NRG1: variants seen among roughly 807,000 people sequenced by gnomAD.
NRG1 encodes the protein neuregulin 1.
NRG1 carries 18 observed loss-of-function variants against 63.8 expected under a neutral mutation model. The ratio of observed to expected loss-of-function variants is 0.28; its 90% CI spans 0.19 to 0.42. The LOEUF (loss-of-function observed/expected upper bound fraction) is 0.42. Ranked by LOEUF, NRG1 falls within the 10% of genes least tolerant of loss-of-function variation. The probability of loss-of-function intolerance (pLI) is 1.00; values close to 1 mark genes in which losing one functional copy is unlikely to be tolerated. For synonymous variants in NRG1, 302 were observed against 301.3 expected, an observed-to-expected ratio of 1.00 and a Z score of -0.02; for missense variants, 762 against 814.7, an observed-to-expected ratio of 0.94 and a Z score of 0.79.
chr8:32,395,435 A>G (rs940748190), intron 1 of NRG1, among the ~76,000 whole-genome samples: 14 of 152,098 alleles, frequency 9.2e-5, no homozygotes, highest in African/African-American at 3.1e-4. Flanking sequence ...TGACATTCTA[A>G]TCTGTGTGTA....
intron 1 of NRG1, among the ~76,000 whole-genome samples, chr8:32,493,960 A>T (rs1563541152): frequency 1.3e-5 from 2 of 152,198 alleles, no homozygotes; most frequent in Non-Finnish European, 2.9e-5. Flanking sequence ...AAATGGTAGC[A>T]TAATGAAAAA....
intron 1 of NRG1, among the ~76,000 whole-genome samples, chr8:32,233,564 T>TATA (rs1554660618): frequency 0.02 from 545 of 27,052 alleles, 2 homozygotes; most frequent in Non-Finnish European, 0.025. Flanking sequence ...TATATATATA[T>TATA]TTTTTTTTTT....
chr8:32,159,501 TCCG>T (rs1838578211), intron 1 of NRG1, among the ~76,000 whole-genome samples: 1 of 137,848 alleles, frequency 7.3e-6, no homozygotes, highest in Admixed American at 7.6e-5. Flanking sequence ...GCCACTGCAG[TCCG>T]CAGTCCGGCC....
intron 1 of NRG1, among the ~76,000 whole-genome samples, chr8:32,174,494 T>G (rs1048115764): frequency 6.6e-6 from 1 of 151,988 alleles, no homozygotes; most frequent in African/African-American, 2.4e-5. Flanking sequence ...AGAGCAGAAC[T>G]GAAGGAAATA....
At position 31,639,997 on chromosome 8, in the gene NRG1, C is replaced by T. The variant is rs1208466440; in HGVS notation, c.37+566C>T. On this transcript the variant is annotated intron_variant, in intron 1 of 10. Transcript: ENST00000519301. ...CGCACCTCGCACCATGAGATGGCGA[C>T]GCGCCCCGCGCCGCTCCGGGCGTCC... 6 of 1,124,532 alleles carry T rather than the reference C, an allele frequency of 5.3e-6. No individual in the cohort carries two copies. In the African/African-American group the frequency reaches 8.3e-5, roughly 16 times the overall value. 69.7% of individuals were successfully genotyped at this position (1,124,532 alleles called of 1,614,324 possible). A position where few individuals can be genotyped will look rare whatever the true frequency, so the allele number is the denominator to read the frequency against.
intron 1 of NRG1, among the ~76,000 whole-genome samples, chr8:32,107,781 G>A (rs1030670530): frequency 5.9e-5 from 9 of 152,220 alleles, no homozygotes; most frequent in African/African-American, 1.9e-4. Flanking sequence ...GTCCCAAGAT[G>A]GTCTTAACCC....
chr8:32,763,688 T>C, intron 11 of NRG1, 60 bp from the exon 12 acceptor site: 1 of 1,472,984 alleles, frequency 6.8e-7, no homozygotes, highest in Non-Finnish European at 9.1e-7. Context: ...TCCCCTTACC[T>C]TCCCTGCTAT....
At chr8:32,355,017 G>C (rs1350171114) in intron 1 of NRG1, among the ~76,000 whole-genome samples, 1 of 151,688 alleles carries the variant, frequency 6.6e-6, no homozygotes, top group Non-Finnish European at 1.5e-5. Context: ...AGAAACTATA[G>C]AAAAATACAC....
intron 1 of NRG1, among the ~76,000 whole-genome samples, chr8:32,450,911 G>A (rs1820871736): frequency 6.6e-6 from 1 of 152,142 alleles, no homozygotes; most frequent in African/African-American, 2.4e-5. Flanking sequence ...AAGAGAAGGA[G>A]AGAGGAAGCT....
At chr8:32,196,827 A>T (rs1563897694) in intron 1 of NRG1, among the ~76,000 whole-genome samples, 1 of 150,852 alleles carries the variant, frequency 6.6e-6, no homozygotes, top group East Asian at 2.0e-4. Context: ...GTCTAGCATG[A>T]TATTATTCTA....
rs1488508516 is a variant in NRG1 at position 31,712,971 on chromosome 8, GTCCATCCATCCACCCATCCATCCA to G, written c.37+73553_37+73576del. Among the ~76,000 whole-genome samples the G allele has an allele frequency of 4.5e-3, 664 of 146,160 alleles. 2 individuals carry two copies. Among genetic ancestry groups the G allele is most frequent in the South Asian group, 0.028 (127 of 4,554 alleles). On this transcript the variant is annotated intron_variant, in intron 1 of 10. Transcript: ENST00000519301. ...CAATCAATCAATCAGTCATCTCTCTGTCCATCCATCCACCCATCCATCCATCCATCCATCCATCCATCCATCCAT... is the reference window on the plus strand; with the variant it reads ...CAATCAATCAATCAGTCATCTCTCTGTCCATCCATCCATCCATCCATCCAT...
In NRG1 at chr8:31,751,399, AG is replaced by A. The variant is rs1178412131; in HGVS notation, c.37+111971del. On this transcript the variant is annotated intron_variant, in intron 1 of 10. Coordinates refer to the NRG1 transcript ENST00000519301. The stretch of plus-strand genomic sequence containing the variant: ...GGGGAGGGAACAGTGTTCTTAGTAG[AG>A]GGAACAACATTTGCAAAGAATCTTC... 3.9e-5 allele frequency among the ~76,000 whole-genome samples: 6 copies of A among 152,100 alleles called. No individual in the cohort carries two copies. In the East Asian group the frequency reaches 7.8e-4, roughly 20 times the overall value.
chr8:32,548,932 C>T, intron 1 of NRG1, 106 bp downstream of exon 1: 1 of 1,353,370 alleles, frequency 7.4e-7, no homozygotes, highest in Non-Finnish European at 9.7e-7. Flanking sequence ...CCTCGCCCGT[C>T]CTCTTCGCCC....
At chr8:31,959,388 G>A (rs561264505) in intron 1 of NRG1, among the ~76,000 whole-genome samples, 1 of 152,206 alleles carries the variant, frequency 6.6e-6, no homozygotes, top group South Asian at 2.1e-4. Flanking sequence ...CCAGTGCCAG[G>A]CTCTGTAGAA....
At chr8:32,082,391 C>T (rs547734245) in intron 1 of NRG1, among the ~76,000 whole-genome samples, 7 of 152,058 alleles carry the variant, frequency 4.6e-5, no homozygotes, top group African/African-American at 1.7e-4. Context: ...CAAGTAGGCC[C>T]CAGTGTCTCT....
intron 1 of NRG1, among the ~76,000 whole-genome samples, chr8:32,161,038 G>C (rs1838769340): frequency 6.6e-6 from 1 of 152,166 alleles, no homozygotes; most frequent in African/African-American, 2.4e-5. Context: ...TCACTTTACA[G>C]GTGGAGAATG....
At chr8:32,437,305 TTTTTG>T (rs1321469718) in intron 1 of NRG1, among the ~76,000 whole-genome samples, 1 of 151,882 alleles carries the variant, frequency 6.6e-6, no homozygotes, top group African/African-American at 2.4e-5. Context: ...TTTAGTGTTT[TTTTTG>T]TTTGTTTGTT....
At chr8:31,819,542 T>C (rs1442241145) in intron 1 of NRG1, among the ~76,000 whole-genome samples, 1 of 152,176 alleles carries the variant, frequency 6.6e-6, no homozygotes, top group Non-Finnish European at 1.5e-5. Flanking sequence ...TTTCCCAAAC[T>C]TTTACATATT....
At chr8:32,625,406 G>A (rs62500234) in intron 5 of NRG1, among the ~76,000 whole-genome samples, 6,711 of 152,238 alleles carry the variant, frequency 0.044, 205 homozygotes, top group Non-Finnish European at 0.067. Flanking sequence ...ATCCATCAAC[G>A]ATGGGCTCTT....
Sources: allele counts gnomAD v4.1 joint callset (sites outside exome capture counted in the v4.1 genomes callset), GRCh38; gene constraint gnomAD v4.1.1; transcripts MANE v1.5; gene names NCBI Gene and HGNC (gene_info 2026-07-23, HGNC 2026-07-21).